NDUFA11: variants seen among roughly 807,000 people sequenced by gnomAD.
NDUFA11 encodes the protein NADH dehydrogenase [ubiquinone] 1 alpha subcomplex subunit 11.
NDUFA11 carries 14 observed loss-of-function variants against 11.3 expected under a neutral mutation model. The observed-to-expected ratio is 1.24, with a 90% confidence interval of 0.82 to 1.94. NDUFA11 has a LOEUF of 1.94. Among genes scored for constraint, NDUFA11 ranks in the 30% most tolerant of loss-of-function variants. NDUFA11 has a pLI of 0.00. For synonymous variants in NDUFA11, 87 were observed against 85.6 expected (o/e 1.02, Z -0.09); for missense variants, 204 against 200.3 (o/e 1.02, Z -0.11).
At chr19:5,898,813 G>A (rs2057625885) in intron 1 of NDUFA11, among the ~76,000 whole-genome samples, 1 of 151,284 alleles carries the variant, frequency 6.6e-6, no homozygotes, top group Admixed American at 6.6e-5. Context: ...AGCGGAGGCT[G>A]CAGTGAGCCA....
At chr19:5,901,093 C>T (rs997558796) in intron 1 of NDUFA11, among the ~76,000 whole-genome samples, 4 of 152,030 alleles carry the variant, frequency 2.6e-5, no homozygotes, top group African/African-American at 9.7e-5. Context: ...ACCTCCCCTT[C>T]TAAGACCCTC....
At position 5,896,389 on chromosome 19, in the gene NDUFA11, G is replaced by T. The variant is rs1352213741; in HGVS notation, c.313+64C>A. On this transcript the variant is annotated intron_variant, in intron 3 of 3. Transcript: ENST00000308961. This position sits in a 1 kb window ranked among gnomAD's most constrained non-coding sequence, Gnocchi z 5.8. Reference sequence around the variant, plus strand: ...ATGGAACAGAGAGGGTGGAGGATGAGCAGAGGTCAGGGGTCATTCTGCCAG... The same window carrying T: ...ATGGAACAGAGAGGGTGGAGGATGATCAGAGGTCAGGGGTCATTCTGCCAG... The T allele has an allele frequency of 1.3e-6, 2 of 1,489,114 alleles. No individual in the cohort carries two copies. The highest frequency in any genetic ancestry group is 1.4e-5 in the African/African-American group (1 of 71,506). 92.2% of individuals were successfully genotyped at this position (1,489,114 alleles called of 1,614,324 possible).
At chr19:5,899,036 C>A (rs572466432) in intron 1 of NDUFA11, among the ~76,000 whole-genome samples, 128 of 152,132 alleles carry the variant, frequency 8.4e-4, no homozygotes, top group Admixed American at 2.0e-3. Flanking sequence ...GCCCAGCAGC[C>A]CCATCCTCAG....
rs199741006 is a variant in NDUFA11 at position 5,897,001 on chromosome 19, C to A, written c.98-4G>T. ...CTGTAGGCAGCGGCGGTCAGGCCTG[C>A]GAGACAGAGGAGGGAGGCTGTTCAG... On this transcript the variant is annotated splice_polypyrimidine_tract_variant and splice_region_variant and intron_variant, in intron 1 of 3. Coordinates refer to ENST00000308961, the MANE Select transcript of NDUFA11 (RefSeq NM_175614.5). The A allele has an allele frequency of 2.5e-6, 4 of 1,613,304 alleles. No individual in the cohort carries two copies. Among genetic ancestry groups the A allele is most frequent in the African/African-American group, 1.3e-5 (1 of 75,020 alleles).
intron 1 of NDUFA11, chr19:5,901,576 G>T: frequency 1.4e-6 from 1 of 712,620 alleles, no homozygotes; most frequent in South Asian, 1.8e-5. Flanking sequence ...CTTTGGCCGG[G>T]CCCTGTTTCA....
In NDUFA11 at chr19:5,896,150, C is replaced by T; in HGVS notation, c.313+303G>A. 1.7e-6 allele frequency: 1 copy of T among 587,994 alleles called. No homozygotes were observed. The allele number at this position is 587,994 out of a possible 1,614,324, so 36.4% of individuals were successfully genotyped here. ...GGGGAACAGCATTCCACGCAGTGCACTGCCCATGCAAAGGCCCTGGGGCAG... is the reference window on the plus strand; with the variant it reads ...GGGGAACAGCATTCCACGCAGTGCATTGCCCATGCAAAGGCCCTGGGGCAG... On this transcript the variant is annotated intron_variant, in intron 3 of 3. Coordinates refer to ENST00000308961, the MANE Select transcript of NDUFA11 (RefSeq NM_175614.5). The surrounding 1 kb of genome is among the most constrained non-coding windows in gnomAD (Gnocchi z 5.8).
chr19:5,892,888 C>A, downstream of NDUFA11: 1 of 1,416,832 alleles, frequency 7.1e-7, no homozygotes, highest in South Asian at 1.6e-5. Context: ...TGGGTGCTGC[C>A]GTCCTCTGAG....
intron 1 of NDUFA11, among the ~76,000 whole-genome samples, chr19:5,897,649 C>G (rs1428290687): frequency 6.6e-6 from 1 of 152,232 alleles, no homozygotes; most frequent in Non-Finnish European, 1.5e-5. Context: ...CTCGCCACTC[C>G]GGTCAGCTTT....
downstream of NDUFA11, chr19:5,893,299 A>C (rs948536612): frequency 9.0e-7 from 1 of 1,109,920 alleles, no homozygotes; most frequent in East Asian, 2.6e-5. This position sits in a 1 kb window ranked among gnomAD's most constrained non-coding sequence, Gnocchi z 4.1. Flanking sequence ...CTCTACAAAA[A>C]ATAAAAATAA....
rs1052306082 is a variant in NDUFA11 at position 5,903,696 on chromosome 19, C to G, written c.13G>C (p.Val5Leu). The G allele has an allele frequency of 1.3e-6, 2 of 1,551,536 alleles. No homozygotes were observed. Among genetic ancestry groups the G allele is most frequent in the African/African-American group, 2.7e-5 (2 of 73,188 alleles). The change falls in exon 1 of 4, where the codon GTT becomes CTT. Residue 5 changes from valine (V) to leucine (L), a missense_variant. Coordinates refer to ENST00000308961, the MANE Select transcript of NDUFA11 (RefSeq NM_175614.5). ...GGGATATCCCAGTACTGACGAAAAA[C>G]CTTCGGCGCCATAGCCCGCAATCTC... MAPKVFRQYWDIPDG... is the reference protein window; with the variant it reads MAPKLFRQYWDIPDG...
At chr19:5,897,486 C>G (rs796762339) in intron 1 of NDUFA11, among the ~76,000 whole-genome samples, 1 of 152,166 alleles carries the variant, frequency 6.6e-6, no homozygotes, top group African/African-American at 2.4e-5. Flanking sequence ...GGGCCCGGGG[C>G]TCCTGGGCCT....
chr19:5,893,285 C>T, downstream of NDUFA11: 11 of 1,198,172 alleles, frequency 9.2e-6, no homozygotes, highest in Non-Finnish European at 1.1e-5. The surrounding 1 kb of genome is among the most constrained non-coding windows in gnomAD (Gnocchi z 4.1). Context: ...CAGTGAGATC[C>T]TGTCTCTACA....
At chr19:5,902,035 G>A (rs1414165765) in intron 1 of NDUFA11, among the ~76,000 whole-genome samples, 1 of 151,790 alleles carries the variant, frequency 6.6e-6, no homozygotes. Flanking sequence ...GAGTGCAGTG[G>A]CACAATCTCG....
Position 5,901,986 on chromosome 19 carries a change from T to C in NDUFA11, c.97+1626A>G, listed in dbSNP as rs547221021. The stretch of plus-strand genomic sequence containing the variant: ...GCGCCCGGCTGGTTTTGTTTTGTTT[T>C]GTTTTTTGAGACAGCGTCTCACTCT... On this transcript the variant is annotated intron_variant, in intron 1 of 3. Coordinates refer to ENST00000308961, the MANE Select transcript of NDUFA11 (RefSeq NM_175614.5). Among the ~76,000 whole-genome samples the C allele has an allele frequency of 1.4e-3, 216 of 150,582 alleles. 1 individual carries two copies. The highest frequency in any genetic ancestry group is 5.2e-3 in the African/African-American group (211 of 40,864).
intron 1 of NDUFA11, among the ~76,000 whole-genome samples, chr19:5,897,548 C>T (rs962892707): frequency 9.2e-5 from 14 of 152,282 alleles, no homozygotes; most frequent in African/African-American, 3.4e-4. Flanking sequence ...AACGCCTCCT[C>T]CTTGCCACTC....
At chr19:5,902,276 T>C (rs1312406255) in intron 1 of NDUFA11, among the ~76,000 whole-genome samples, 2 of 150,684 alleles carry the variant, frequency 1.3e-5, no homozygotes, top group East Asian at 3.9e-4. Flanking sequence ...ATTATTTTTA[T>C]TTTTTGAGAC....
chr19:5,894,272 T>C (rs370588889), downstream of NDUFA11, among the ~76,000 whole-genome samples: 5 of 152,300 alleles, frequency 3.3e-5, no homozygotes, highest in East Asian at 1.9e-4. Flanking sequence ...CTGGGCGTGT[T>C]TTCCACATGT....
chr19:5,897,056 C>A, intron 1 of NDUFA11, 59 bp from the exon 2 acceptor site: 4 of 1,405,004 alleles, frequency 2.8e-6, no homozygotes, highest in Non-Finnish European at 4.0e-6. Flanking sequence ...CTTGCTTGGC[C>A]GGGCACCCCA....
Position 5,896,216 on chromosome 19 carries a change from TGTGGCTGGAGCAGAGTGAGGAGGGGAGG to T in NDUFA11, c.313+209_313+236del. ...GTGGGAGGAGCAGTGAGGAGGCCCG[TGTGGCTGGAGCAGAGTGAGGAGGGGAGG>T]GTGGGGAGGGGACAGGGCAGGTCAG... On this transcript the variant is annotated intron_variant, in intron 3 of 3. Coordinates refer to ENST00000308961, the MANE Select transcript of NDUFA11 (RefSeq NM_175614.5). The surrounding 1 kb of genome is among the most constrained non-coding windows in gnomAD (Gnocchi z 5.8). 1 of 579,408 alleles carries T rather than the reference TGTGGCTGGAGCAGAGTGAGGAGGGGAGG, an allele frequency of 1.7e-6. No individual in the cohort carries two copies. The highest frequency in any genetic ancestry group is 3.0e-6 in the Non-Finnish European group (1 of 332,550). 35.9% of individuals were successfully genotyped at this position (579,408 alleles called of 1,614,324 possible).
Sources: gnomAD v4.1 joint callset for allele counts (sites outside exome capture counted in the v4.1 genomes callset) on GRCh38, gnomAD v4.1.1 for gene constraint, Gnocchi (gnomAD v3.1) non-coding constraint, MANE v1.5 for transcripts, NCBI Gene and HGNC (gene_info 2026-07-23, HGNC 2026-07-21) for gene names.